The following PDZK1 variants were observed in gnomAD, a reference collection of about 807,000 sequenced individuals.
The protein encoded by PDZK1 is Na(+)/H(+) exchange regulatory cofactor NHE-RF3.
Under a neutral mutation model 38.1 loss-of-function variants are expected in PDZK1, and 23 were observed. The observed-to-expected ratio is 0.60, with a 90% CI of 0.43 to 0.85. PDZK1 has a LOEUF of 0.85. Among genes scored for constraint, PDZK1 ranks in the 40% least tolerant of loss-of-function variants. The pLI, the probability that PDZK1 is intolerant of heterozygous loss-of-function variation, is 0.00. For synonymous variants in PDZK1, 98 were observed against 186.2 expected (o/e 0.53, Z 3.86); for missense variants, 297 against 504.3 (o/e 0.59, Z 3.94).
chr1:145,701,595 A>G (rs1553704993), intron 1 of PDZK1, among the ~76,000 whole-genome samples: 1 of 152,202 alleles, frequency 6.6e-6, no homozygotes. Context: ...AGACTGTGCA[A>G]CATTAAGCCA....
chr1:145,678,797 C>G, intron 5 of PDZK1, 152 bp from the exon 6 acceptor site: 1 of 464,744 alleles, frequency 2.2e-6, no homozygotes, highest in Non-Finnish European at 3.8e-6. Context: ...TCCCAGGAAG[C>G]TTATAAGCAC....
intron 2 of PDZK1, among the ~76,000 whole-genome samples, 191 bp downstream of exon 2, chr1:145,687,621 A>T (rs1654902974): frequency 6.6e-6 from 1 of 152,054 alleles, no homozygotes; most frequent in African/African-American, 2.4e-5. Context: ...ATCCAAGAGT[A>T]ATGTGTACAG....
chr1:145,703,549 A>C (rs782404374), intron 1 of PDZK1, among the ~76,000 whole-genome samples: 2 of 152,114 alleles, frequency 1.3e-5, no homozygotes, highest in Non-Finnish European at 2.9e-5. Context: ...ATTCAAACCC[A>C]GTTGAGTCTG....
chr1:145,707,184 T>TC (rs1288398118), intron 1 of PDZK1, 133 bp downstream of exon 1: 1 of 152,166 alleles, frequency 6.6e-6, no homozygotes, highest in Non-Finnish European at 1.5e-5. Context: ...CCTGGCTGCC[T>TC]CCCCATGGGA....
chr1:145,679,769 G>GTTC (rs1400509932), intron 5 of PDZK1, among the ~76,000 whole-genome samples: 8 of 152,032 alleles, frequency 5.3e-5, no homozygotes, highest in Non-Finnish European at 1.2e-4. Context: ...GCTGGTTTTT[G>GTTC]TTCTTCTCCC....
chr1:145,679,767 T>C (rs1398420782), intron 5 of PDZK1, among the ~76,000 whole-genome samples: 1 of 152,238 alleles, frequency 6.6e-6, no homozygotes, highest in African/African-American at 2.4e-5. Context: ...AGGCTGGTTT[T>C]TGTTCTTCTC....
intron 1 of PDZK1, among the ~76,000 whole-genome samples, chr1:145,702,149 A>G (rs1559080474): frequency 1.3e-5 from 2 of 152,142 alleles, no homozygotes; most frequent in Admixed American, 6.5e-5. Flanking sequence ...TTTATTTCTC[A>G]TTTATGATCA....
At chr1:145,706,543 A>G (rs1656259418) in intron 1 of PDZK1, among the ~76,000 whole-genome samples, 1 of 152,186 alleles carries the variant, frequency 6.6e-6, no homozygotes, top group Non-Finnish European at 1.5e-5. Context: ...CCAAATCTTC[A>G]TAGCTGGACC....
At chr1:145,695,421 AAGAGAGAAAGAGGAGAGAGAGAG>A (rs1363068800) in intron 1 of PDZK1, among the ~76,000 whole-genome samples, 2 of 151,870 alleles carry the variant, frequency 1.3e-5, no homozygotes, top group African/African-American at 4.8e-5. Context: ...ACACTGTCGA[AAGAGAGAAAGAGGAGAGAGAGAG>A]AGAGAGAAAG....
At chr1:145,706,353 A>T (rs1656248513) in intron 1 of PDZK1, among the ~76,000 whole-genome samples, 1 of 152,218 alleles carries the variant, frequency 6.6e-6, no homozygotes, top group African/African-American at 2.4e-5. Context: ...TACTATCATA[A>T]CACAGAAATT....
At chr1:145,685,863 A>G (rs1369044371) in intron 3 of PDZK1, among the ~76,000 whole-genome samples, 3 of 152,266 alleles carry the variant, frequency 2.0e-5, no homozygotes, top group African/African-American at 7.2e-5. Flanking sequence ...TCAAATCACT[A>G]TGTACCTCTT....
intron 3 of PDZK1, among the ~76,000 whole-genome samples, chr1:145,685,794 T>TC (rs1654702357): frequency 6.6e-6 from 1 of 152,186 alleles, no homozygotes; most frequent in African/African-American, 2.4e-5. Context: ...CACAGGTTAG[T>TC]CTGCACCTCT....
chr1:145,702,478 C>T (rs1553705121), intron 1 of PDZK1, among the ~76,000 whole-genome samples: 2 of 151,926 alleles, frequency 1.3e-5, no homozygotes, highest in Non-Finnish European at 2.9e-5. Context: ...ACTTGCATTT[C>T]TACCCCCCCA....
chr1:145,689,531 C>T (rs1655068932), intron 1 of PDZK1, among the ~76,000 whole-genome samples: 1 of 152,176 alleles, frequency 6.6e-6, no homozygotes, highest in Non-Finnish European at 1.5e-5. Context: ...TCTGCCAGTG[C>T]CCCGACACCT....
intron 6 of PDZK1, among the ~76,000 whole-genome samples, chr1:145,674,598 A>C (rs1381699867): frequency 2.0e-5 from 3 of 152,072 alleles, no homozygotes; most frequent in Non-Finnish European, 4.4e-5. Context: ...GGACTCTAAG[A>C]TCTACAGCCG....
intron 1 of PDZK1, among the ~76,000 whole-genome samples, chr1:145,705,008 G>T (rs1553705504): frequency 6.6e-6 from 1 of 152,182 alleles, no homozygotes; most frequent in Non-Finnish European, 1.5e-5. Flanking sequence ...TGCTCAAGGG[G>T]CTGGTAATAC....
intron 8 of PDZK1, among the ~76,000 whole-genome samples, chr1:145,672,396 C>T (rs1440425276): frequency 6.7e-6 from 1 of 150,346 alleles, no homozygotes; most frequent in Non-Finnish European, 1.5e-5. Context: ...AATCCATTTC[C>T]CCACAGCTGA....
At position 145,672,638 on chromosome 1, in the gene PDZK1, T is replaced by C. The variant is rs587729387; in HGVS notation, c.1506+92A>G. On this transcript the variant is annotated intron_variant, in intron 8 of 8. Coordinates refer to ENST00000417171, the MANE Select transcript of PDZK1 (RefSeq NM_001201325.2). The stretch of plus-strand genomic sequence containing the variant: ...TTTTCATTTTCTAGTTTTAAAAAAA[T>C]CTGTGGCAAACATAGACATTAAATA... The C allele has an allele frequency of 8.4e-5, 125 of 1,495,340 alleles. No individual in the cohort carries two copies. The East Asian group carries it at 2.8e-3, about 33-fold the overall frequency. The allele number at this position is 1,495,340 out of a possible 1,614,324, so 92.6% of individuals were successfully genotyped here.
intron 1 of PDZK1, among the ~76,000 whole-genome samples, chr1:145,702,329 G>A (rs1294556749): frequency 6.6e-6 from 1 of 152,038 alleles, no homozygotes; most frequent in African/African-American, 2.4e-5. Flanking sequence ...AGTTGGGAGA[G>A]GGATAGAGCC....
Sources: allele counts gnomAD v4.1 joint callset (sites outside exome capture counted in the v4.1 genomes callset), GRCh38; gene constraint gnomAD v4.1.1; transcripts MANE v1.5; gene names NCBI Gene and HGNC (gene_info 2026-07-23, HGNC 2026-07-21).